LRRC4C: variants seen among roughly 807,000 people sequenced by gnomAD.
LRRC4C encodes the protein leucine rich repeat containing 4C.
In LRRC4C, 5 loss-of-function variants were observed where a neutral mutation model predicts 33.6. The observed-to-expected ratio is 0.15, with a 90% CI of 0.08 to 0.31. The LOEUF (loss-of-function observed/expected upper bound fraction) is 0.31, where lower values mean the gene tolerates loss of function less well. Ranked by LOEUF, LRRC4C falls within the 10% of genes least tolerant of loss-of-function variation. The pLI is 1.00. For synonymous variants in LRRC4C, 329 were observed against 302.0 expected, an observed-to-expected ratio of 1.09 and a Z score of -0.93; for missense variants, 560 against 796.7, an observed-to-expected ratio of 0.70 and a Z score of 3.58.
intron 3 of LRRC4C, among the ~76,000 whole-genome samples, chr11:40,323,866 G>A (rs1316160070): frequency 6.6e-6 from 1 of 152,186 alleles, no homozygotes; most frequent in Admixed American, 6.5e-5. Context: ...GGTGGTATCA[G>A]AGGTAGCTAG....
chr11:40,589,574 G>A (rs1404992637), intron 3 of LRRC4C, among the ~76,000 whole-genome samples: 119 of 151,536 alleles, frequency 7.9e-4, no homozygotes, highest in African/African-American at 2.0e-3. Context: ...TCCTAGTCTC[G>A]ATGGTCTTTA....
At chr11:40,538,702 C>T (rs1956580946) in intron 3 of LRRC4C, among the ~76,000 whole-genome samples, 1 of 152,164 alleles carries the variant, frequency 6.6e-6, no homozygotes, top group African/African-American at 2.4e-5. Context: ...ATTTCTAGAT[C>T]CTTGAGGAAT....
Position 40,115,795 on chromosome 11 carries a change from A to G in LRRC4C, c.498T>C (p.Tyr166=), listed in dbSNP as rs756676546. ...GCAAAGAAGGAATTCTGTTAAAAGC[A>G]TAAGAAGGGATGCTTTCAATGGGGT... The part of the protein sequence containing the change: ...RNNPIESIPS[Y]AFNRIPSLRR... Residue 166 remains tyrosine, a synonymous_variant, in exon 7 of 7, where the codon TAT becomes TAC. Coordinates refer to ENST00000528697, the MANE Select transcript of LRRC4C (RefSeq NM_001258419.2). The surrounding 1 kb of genome is among the most constrained non-coding windows in gnomAD (Gnocchi z 6.7). 10 of 1,614,076 alleles carry G rather than the reference A, an allele frequency of 6.2e-6. No homozygotes were observed. Among genetic ancestry groups the G allele is most frequent in the South Asian group, 2.2e-5 (2 of 91,086 alleles).
intron 1 of LRRC4C, among the ~76,000 whole-genome samples, chr11:41,285,402 T>A (rs1269466026): frequency 6.6e-6 from 1 of 152,232 alleles, no homozygotes; most frequent in Non-Finnish European, 1.5e-5. Flanking sequence ...AAATATCTAC[T>A]GTTTAGGCAG....
intron 2 of LRRC4C, among the ~76,000 whole-genome samples, chr11:40,666,205 T>C (rs921349409): frequency 2.0e-5 from 3 of 152,140 alleles, no homozygotes; most frequent in Non-Finnish European, 4.4e-5. Flanking sequence ...ACATTTACAA[T>C]GTTGAACACA....
intron 2 of LRRC4C, among the ~76,000 whole-genome samples, chr11:40,746,133 C>A (rs960694755): frequency 6.6e-6 from 1 of 152,138 alleles, no homozygotes; most frequent in African/African-American, 2.4e-5. Flanking sequence ...GTCCCCAACA[C>A]AGGGAAAGGC....
rs897357496 is a variant in LRRC4C at position 40,920,737 on chromosome 11, G to A, written c.-407+12898C>T. Among the ~76,000 whole-genome samples the A allele has an allele frequency of 5.9e-5, 9 of 152,062 alleles. No individual in the cohort carries two copies. The South Asian group carries it at 6.2e-4, about 11-fold the overall frequency. ...AGATCTTTGTGGTACGTAGAATAAC[G>A]TGCCTCCCATCCGAATATGACCATG... On this transcript the variant is annotated intron_variant, in intron 2 of 6. Transcript: ENST00000528697.
intron 3 of LRRC4C, among the ~76,000 whole-genome samples, chr11:40,476,818 A>G (rs1360348722): frequency 6.6e-6 from 1 of 152,156 alleles, no homozygotes; most frequent in Non-Finnish European, 1.5e-5. Context: ...CATGCATTAT[A>G]AACATTTTTT....
At chr11:41,129,402 A>G (rs1942908280) in intron 1 of LRRC4C, among the ~76,000 whole-genome samples, 1 of 151,932 alleles carries the variant, frequency 6.6e-6, no homozygotes, top group Admixed American at 6.6e-5. Flanking sequence ...ACAGATATTT[A>G]TGTATATAAC....
intron 2 of LRRC4C, among the ~76,000 whole-genome samples, chr11:40,815,422 C>A (rs1443901476): frequency 6.6e-6 from 1 of 152,312 alleles, no homozygotes. Context: ...CAAACCATAT[C>A]AATACCCTTC....
intron 5 of LRRC4C, among the ~76,000 whole-genome samples, chr11:40,211,228 T>C (rs1434448812): frequency 6.6e-6 from 1 of 152,238 alleles, no homozygotes; most frequent in African/African-American, 2.4e-5. Context: ...TTAGATGATA[T>C]CTTGTGTTGC....
At chr11:40,467,274 C>T (rs1213026494) in intron 3 of LRRC4C, among the ~76,000 whole-genome samples, 1 of 152,112 alleles carries the variant, frequency 6.6e-6, no homozygotes, top group African/African-American at 2.4e-5. Flanking sequence ...TCCTTCTACT[C>T]ATTCTTTAGC....
intron 1 of LRRC4C, among the ~76,000 whole-genome samples, chr11:41,262,762 C>T (rs1178572455): frequency 6.6e-6 from 1 of 152,000 alleles, no homozygotes; most frequent in Non-Finnish European, 1.5e-5. Flanking sequence ...CTTCTGTGTA[C>T]CCACCCACAG....
intron 2 of LRRC4C, among the ~76,000 whole-genome samples, chr11:40,914,906 C>G (rs182569403): frequency 6.6e-6 from 1 of 152,250 alleles, no homozygotes; most frequent in East Asian, 1.9e-4. Flanking sequence ...ACACCAATAA[C>G]AGACAGAGAG....
intron 3 of LRRC4C, among the ~76,000 whole-genome samples, chr11:40,526,095 G>A (rs568993597): frequency 1.3e-5 from 2 of 151,842 alleles, no homozygotes; most frequent in Non-Finnish European, 2.9e-5. Context: ...AGTACTAGGT[G>A]TAGTTTTAAC....
intron 4 of LRRC4C, among the ~76,000 whole-genome samples, chr11:40,246,431 A>G (rs1053330858): frequency 6.6e-6 from 1 of 152,166 alleles, no homozygotes; most frequent in Non-Finnish European, 1.5e-5. Flanking sequence ...GTAGTGATTA[A>G]GGACTGTGGA....
chr11:40,393,342 AT>A (rs1235538881), intron 3 of LRRC4C, among the ~76,000 whole-genome samples: 1 of 152,146 alleles, frequency 6.6e-6, no homozygotes, highest in Non-Finnish European at 1.5e-5. Context: ...ATTCAACAAT[AT>A]TTTGCTTTAA....
At chr11:40,594,151 A>G (rs899351424) in intron 3 of LRRC4C, among the ~76,000 whole-genome samples, 5 of 151,964 alleles carry the variant, frequency 3.3e-5, no homozygotes, top group Admixed American at 6.6e-5. Context: ...CATCCTTGCA[A>G]TTTTCTATGG....
At chr11:40,464,213 G>T (rs1276794066) in intron 3 of LRRC4C, among the ~76,000 whole-genome samples, 1 of 151,794 alleles carries the variant, frequency 6.6e-6, no homozygotes, top group Non-Finnish European at 1.5e-5. Context: ...CGCATAAACA[G>T]AACTATAAAC....
Sources: allele counts gnomAD v4.1 joint callset (sites outside exome capture counted in the v4.1 genomes callset), GRCh38; gene constraint gnomAD v4.1.1; non-coding constraint Gnocchi (gnomAD v3.1); transcripts MANE v1.5; gene names NCBI Gene and HGNC (gene_info 2026-07-23, HGNC 2026-07-21).